AGBL3: variants seen among roughly 807,000 people sequenced by gnomAD.
AGBL3 encodes AGBL carboxypeptidase 3, also known as cytosolic carboxypeptidase 3.
Under a neutral mutation model 94.5 loss-of-function variants are expected in AGBL3, and 68 were observed. The ratio of observed to expected loss-of-function variants is 0.72; its 90% confidence interval spans 0.59 to 0.88. The LOEUF (loss-of-function observed/expected upper bound fraction) is 0.88, where lower values mean the gene tolerates loss of function less well. Ranked by LOEUF, AGBL3 falls within the 40% of genes least tolerant of loss-of-function variation. The probability of loss-of-function intolerance (pLI) is 0.00; values close to 1 mark genes in which losing one functional copy is unlikely to be tolerated. For synonymous variants in AGBL3, 354 were observed against 370.7 expected (o/e 0.95, Z 0.52); for missense variants, 934 against 1,103.8 (o/e 0.85, Z 2.18).
At chr7:135,120,914 A>G (rs1827046302) in intron 16 of AGBL3, among the ~76,000 whole-genome samples, 1 of 152,200 alleles carries the variant, frequency 6.6e-6, no homozygotes, top group Non-Finnish European at 1.5e-5. Flanking sequence ...GTATAAAATC[A>G]CAGAACTGGC....
chr7:135,002,412 G>A (rs1248780074), intron 4 of AGBL3, among the ~76,000 whole-genome samples: 7 of 152,036 alleles, frequency 4.6e-5, no homozygotes, highest in African/African-American at 1.7e-4. Flanking sequence ...ATCCAGCCTC[G>A]GTGTCCAGAG....
intron 15 of AGBL3, among the ~76,000 whole-genome samples, chr7:135,111,025 T>C (rs765990776): frequency 6.6e-6 from 1 of 152,182 alleles, no homozygotes; most frequent in Non-Finnish European, 1.5e-5. Flanking sequence ...AAGTAACTAT[T>C]CTAAACTTTT....
intron 4 of AGBL3, among the ~76,000 whole-genome samples, chr7:134,998,629 G>A (rs1811309750): frequency 6.6e-6 from 1 of 152,150 alleles, no homozygotes; most frequent in Non-Finnish European, 1.5e-5. Flanking sequence ...AGGATATATA[G>A]GTACAGAACT....
At chr7:135,025,598 C>T (rs900954539) in intron 5 of AGBL3, among the ~76,000 whole-genome samples, 3 of 151,534 alleles carry the variant, frequency 2.0e-5, no homozygotes, top group African/African-American at 7.2e-5. Context: ...TTAATACCAA[C>T]ACTGAATGTA....
chr7:135,069,817 G>C (rs913538052), intron 12 of AGBL3, among the ~76,000 whole-genome samples: 2 of 152,116 alleles, frequency 1.3e-5, no homozygotes, highest in Non-Finnish European at 2.9e-5. Context: ...AAAAGAACTA[G>C]AGAAGCAAGA....
intron 12 of AGBL3, among the ~76,000 whole-genome samples, chr7:135,065,973 C>G (rs1474932121): frequency 6.6e-6 from 1 of 152,112 alleles, no homozygotes; most frequent in Non-Finnish European, 1.5e-5. Context: ...CACAAAAAGT[C>G]AACTGAAGAT....
rs1554502035 is a variant in AGBL3, at chr7:135,040,885, CCACACA to C, written c.1501-3125_1501-3120del. On this transcript the variant is annotated intron_variant, in intron 8 of 16. Transcript: ENST00000436302. ...TGATCCATGCACACACACACACACA[CCACACA>C]CACACACACACACAAAACTAGAACA... Among the ~76,000 whole-genome samples the C allele has an allele frequency of 2.5e-5, 3 of 121,028 alleles. No homozygotes were observed. In the South Asian group the frequency reaches 8.6e-4, roughly 35 times the overall value. 79.4% of individuals were successfully genotyped at this position (121,028 alleles called of 152,430 possible). A position where few individuals can be genotyped will look rare whatever the true frequency, so the allele number is the denominator to read the frequency against.
At chr7:135,003,651 GTTTTAA>G (rs1563172681) in intron 4 of AGBL3, among the ~76,000 whole-genome samples, 3 of 148,814 alleles carry the variant, frequency 2.0e-5, no homozygotes, top group African/African-American at 7.4e-5. Flanking sequence ...CTTTATTATA[GTTTTAA>G]TTTTTTTTTT....
intron 15 of AGBL3, among the ~76,000 whole-genome samples, chr7:135,109,673 G>T (rs563743035): frequency 2.0e-5 from 3 of 152,222 alleles, no homozygotes; most frequent in African/African-American, 7.2e-5. Context: ...ACTAGCAGGG[G>T]TATCTGTAGA....
At chr7:135,040,885 C>CCA (rs1554502035) in intron 8 of AGBL3, among the ~76,000 whole-genome samples, 7,730 of 120,980 alleles carry the variant, frequency 0.064, 253 homozygotes, top group Non-Finnish European at 0.093. Flanking sequence ...CACACACACA[C>CCA]CACACACACA....
intron 15 of AGBL3, among the ~76,000 whole-genome samples, chr7:135,082,782 A>C (rs1821027211): frequency 6.6e-6 from 1 of 152,096 alleles, no homozygotes; most frequent in Admixed American, 6.6e-5. Flanking sequence ...TTCATGAACT[A>C]TTATGTCATA....
chr7:135,110,559 T>C (rs1400398578), intron 15 of AGBL3, among the ~76,000 whole-genome samples: 1 of 152,138 alleles, frequency 6.6e-6, no homozygotes, highest in African/African-American at 2.4e-5. Flanking sequence ...CCATCATCAC[T>C]CACTGACTCA....
chr7:135,056,430 T>C (rs1818355651), intron 11 of AGBL3, among the ~76,000 whole-genome samples: 1 of 152,078 alleles, frequency 6.6e-6, no homozygotes, highest in South Asian at 2.1e-4. Context: ...CAAATATTGA[T>C]AAGTTGTATT....
At chr7:135,066,714 G>T (rs753667186) in intron 12 of AGBL3, among the ~76,000 whole-genome samples, 3 of 152,176 alleles carry the variant, frequency 2.0e-5, no homozygotes, top group Non-Finnish European at 2.9e-5. Flanking sequence ...AGAAACAAGT[G>T]TCTATCAATG....
Position 135,058,621 on chromosome 7 carries a change from GA to G in AGBL3, c.1842-537del, listed in dbSNP as rs563616702. ...TGGTGATACAGCAGTGAGCCAGACA[GA>G]AAAAAAAAAATCCTACTTTTCTGGA... On this transcript the variant is annotated intron_variant, in intron 11 of 16. Transcript: ENST00000436302. Among the ~76,000 whole-genome samples, 503 of 146,162 alleles carry G rather than the reference GA, an allele frequency of 3.4e-3. 3 individuals carry two copies. Among genetic ancestry groups the G allele is most frequent in the African/African-American group, 0.012 (465 of 39,942 alleles).
At chr7:135,009,674 C>T (rs1172826389) in intron 4 of AGBL3, among the ~76,000 whole-genome samples, 1 of 152,204 alleles carries the variant, frequency 6.6e-6, no homozygotes, top group Non-Finnish European at 1.5e-5. Context: ...TCCCAGGATT[C>T]TCTTTGATCT....
At chr7:135,028,497 G>C (rs895495502) in intron 5 of AGBL3, among the ~76,000 whole-genome samples, 1 of 152,138 alleles carries the variant, frequency 6.6e-6, no homozygotes, top group Non-Finnish European at 1.5e-5. Flanking sequence ...TCCAATTCAA[G>C]TTTTATTATG....
intron 11 of AGBL3, among the ~76,000 whole-genome samples, chr7:135,055,522 A>G (rs572321453): frequency 1.8e-5 from 2 of 114,152 alleles, no homozygotes; most frequent in Admixed American, 1.8e-4. Context: ...ATATTGATAT[A>G]ATTTTTTTTC....
chr7:135,096,572 GATAGATAGATAC>G (rs61364059), intron 15 of AGBL3, among the ~76,000 whole-genome samples: 513 of 20,628 alleles, frequency 0.025, 11 homozygotes, highest in African/African-American at 0.042. Context: ...TAGATAGATA[GATAGATAGATAC>G]ATAGATAGAT....
Sources: gnomAD v4.1 joint callset for allele counts (sites outside exome capture counted in the v4.1 genomes callset) on GRCh38, gnomAD v4.1.1 for gene constraint, MANE v1.5 for transcripts, NCBI Gene and HGNC (gene_info 2026-07-23, HGNC 2026-07-21) for gene names.